PRR16: variants seen among roughly 807,000 people sequenced by gnomAD.
PRR16 encodes the protein proline rich 16, also known as protein Largen.
In PRR16, 6 loss-of-function variants were observed where a neutral mutation model predicts 18.2. The ratio of observed to expected loss-of-function variants is 0.33; its 90% confidence interval spans 0.18 to 0.65. The LOEUF (loss-of-function observed/expected upper bound fraction) is 0.65, where lower values mean the gene tolerates loss of function less well. Ranked by LOEUF, PRR16 falls within the 30% of genes least tolerant of loss-of-function variation. PRR16 has a pLI of 0.74. For synonymous variants in PRR16, 151 were observed against 147.8 expected, an observed-to-expected ratio of 1.02 and a Z score of -0.16; for missense variants, 412 against 376.6, an observed-to-expected ratio of 1.09 and a Z score of -0.78.
At chr5:120,599,021 AT>A (rs956223608) in intron 1 of PRR16, among the ~76,000 whole-genome samples, 2 of 151,704 alleles carry the variant, frequency 1.3e-5, no homozygotes, top group Non-Finnish European at 2.9e-5. Context: ...ATTTCATGGG[AT>A]TTTTTGTTCA....
chr5:120,737,427 G>A, the PRR16 span, among the ~76,000 whole-genome samples: 7 of 146,424 alleles, frequency 4.8e-5, no homozygotes, highest in Admixed American at 1.4e-4. Flanking sequence ...AATGTGGTGC[G>A]TTACCTTGAT....
chr5:120,519,706 G>A (rs934447336), intron 1 of PRR16, among the ~76,000 whole-genome samples: 1 of 151,960 alleles, frequency 6.6e-6, no homozygotes, highest in Non-Finnish European at 1.5e-5. Context: ...AACATCTCTT[G>A]TGCCAACAAT....
chr5:120,651,891 T>C (rs1241688176), intron 1 of PRR16, among the ~76,000 whole-genome samples: 2 of 152,076 alleles, frequency 1.3e-5, no homozygotes, highest in Non-Finnish European at 1.5e-5. Flanking sequence ...TTGATGGGGA[T>C]GGCATTGAAT....
chr5:120,605,758 T>A (rs1356617612), intron 1 of PRR16, among the ~76,000 whole-genome samples: 1 of 152,190 alleles, frequency 6.6e-6, no homozygotes, highest in African/African-American at 2.4e-5. Flanking sequence ...ATTGCTTCAT[T>A]TCTGTATGCT....
At chr5:120,569,477 C>T (rs1018148968) in intron 1 of PRR16, among the ~76,000 whole-genome samples, 1 of 152,060 alleles carries the variant, frequency 6.6e-6, no homozygotes, top group African/African-American at 2.4e-5. Flanking sequence ...GTAATACGCA[C>T]AGATGCAGTG....
chr5:120,484,336 A>G (rs1054321884), intron 1 of PRR16, among the ~76,000 whole-genome samples: 4 of 105,444 alleles, frequency 3.8e-5, no homozygotes, highest in East Asian at 2.5e-4. Flanking sequence ...ATATAAATGT[A>G]TATACTTTGT....
chr5:120,544,833 G>A (rs1362547460), intron 1 of PRR16, among the ~76,000 whole-genome samples: 4 of 151,802 alleles, frequency 2.6e-5, no homozygotes, highest in Non-Finnish European at 4.4e-5. Context: ...CCTGGCCAAG[G>A]GTTGACTTCT....
rs138954061 is a variant in PRR16, at chr5:120,563,927, C to T, written c.159+99282C>T. On this transcript the variant is annotated intron_variant, in intron 1 of 1. Coordinates refer to ENST00000407149, the MANE Select transcript of PRR16 (RefSeq NM_001300783.2). The stretch of plus-strand genomic sequence containing the variant: ...ATGGCATACTAAACGGGTATTACTC[C>T]TGGTTATTCAAGGTTTAAGGGCTCT... 5.7e-4 allele frequency among the ~76,000 whole-genome samples: 87 copies of T among 152,268 alleles called. 1 individual carries two copies. The Middle Eastern group carries it at 0.024, about 42-fold the overall frequency.
the PRR16 span, among the ~76,000 whole-genome samples, chr5:120,721,791 G>A: frequency 6.6e-6 from 1 of 152,028 alleles, no homozygotes; most frequent in Non-Finnish European, 1.5e-5. Flanking sequence ...GCAGTTAAGT[G>A]GCTATTATAG....
intron 1 of PRR16, among the ~76,000 whole-genome samples, chr5:120,662,577 A>G (rs1221544542): frequency 1.3e-5 from 2 of 152,030 alleles, no homozygotes; most frequent in African/African-American, 4.8e-5. Flanking sequence ...ATTTTGCACT[A>G]TGTATTCCTT....
chr5:120,524,471 G>A (rs1411123240), intron 1 of PRR16, among the ~76,000 whole-genome samples: 1 of 151,936 alleles, frequency 6.6e-6, no homozygotes, highest in Non-Finnish European at 1.5e-5. Context: ...AAACTATTAT[G>A]TTGACAATTC....
At chr5:120,480,346 C>A (rs1411437995) in intron 1 of PRR16, among the ~76,000 whole-genome samples, 2 of 152,150 alleles carry the variant, frequency 1.3e-5, no homozygotes, top group East Asian at 3.8e-4. Flanking sequence ...CACCAATAAC[C>A]TCTTAGTTCT....
intron 1 of PRR16, chr5:120,618,343 TAAATA>T (rs1454120948): frequency 2.3e-6 from 1 of 432,230 alleles, no homozygotes; most frequent in Non-Finnish European, 3.1e-6. Flanking sequence ...TGAGTGCCAT[TAAATA>T]AAATTTCTAT....
chr5:120,629,534 C>G (rs904673374), intron 1 of PRR16, among the ~76,000 whole-genome samples: 1 of 152,060 alleles, frequency 6.6e-6, no homozygotes, highest in Non-Finnish European at 1.5e-5. Flanking sequence ...ACCACCTTAC[C>G]ATCTAATATT....
At position 120,686,254 on chromosome 5, in the gene PRR16, C is replaced by G. The variant is rs1478442017; in HGVS notation, c.460C>G (p.Leu154Val). 6.2e-7 allele frequency: 1 copy of G among 1,614,072 alleles called. No homozygotes were observed. Among genetic ancestry groups the G allele is most frequent in the Admixed American group, 1.7e-5 (1 of 60,004 alleles). Reference sequence around the variant, plus strand: ...TCCTGTAAAAACCAATGGCACCCTTCTACGAAATGGAGGCTTACCAGGTGG... The same window carrying G: ...TCCTGTAAAAACCAATGGCACCCTTGTACGAAATGGAGGCTTACCAGGTGG... ...ANPVKTNGTLLRNGGLPGGPN... is the reference protein window; with the variant it reads ...ANPVKTNGTLVRNGGLPGGPN... The change falls in exon 2 of 2, where the codon CTA becomes GTA. Residue 154 changes from leucine to valine, a missense_variant. By Grantham distance (32) the Leu-to-Val change is conservative. Transcript: ENST00000407149.
intron 1 of PRR16, among the ~76,000 whole-genome samples, chr5:120,514,604 T>A (rs1324124789): frequency 6.6e-6 from 1 of 152,190 alleles, no homozygotes; most frequent in Non-Finnish European, 1.5e-5. Context: ...AAGTCTTAAG[T>A]TCTACCTTTC....
intron 1 of PRR16, among the ~76,000 whole-genome samples, chr5:120,477,781 C>T (rs927215316): frequency 2.0e-5 from 3 of 152,108 alleles, no homozygotes; most frequent in African/African-American, 7.2e-5. Context: ...TTCTCTGTGG[C>T]TCTCCTTACT....
chr5:120,764,162 C>G, the PRR16 span, among the ~76,000 whole-genome samples: 1 of 147,538 alleles, frequency 6.8e-6, no homozygotes, highest in Admixed American at 6.7e-5. Flanking sequence ...AAGCTTTCAG[C>G]TTTCCCTTTT....
chr5:120,763,866 T>C, the PRR16 span, among the ~76,000 whole-genome samples: 2 of 152,122 alleles, frequency 1.3e-5, no homozygotes, highest in Non-Finnish European at 2.9e-5. Context: ...GCTAGTTTAT[T>C]ATTAATATAC....
Sources: allele counts gnomAD v4.1 joint callset (sites outside exome capture counted in the v4.1 genomes callset), GRCh38; gene constraint gnomAD v4.1.1; transcripts MANE v1.5; gene names NCBI Gene and HGNC (gene_info 2026-07-23, HGNC 2026-07-21).